Variants in DDX10 observed in about 807,000 individuals in gnomAD.
DDX10 encodes probable ATP-dependent RNA helicase DDX10.
In DDX10, 74 loss-of-function variants were observed where a neutral mutation model predicts 104.3. That is an observed-to-expected ratio of 0.71 (90% confidence interval 0.59 to 0.86). The LOEUF (loss-of-function observed/expected upper bound fraction) is 0.86. DDX10 is among the 40% of genes least tolerant of loss of function. The probability of loss-of-function intolerance (pLI) is 0.00; values close to 1 mark genes in which losing one functional copy is unlikely to be tolerated. For synonymous variants in DDX10, 351 were observed against 353.4 expected, an observed-to-expected ratio of 0.99 and a Z score of 0.08; for missense variants, 952 against 1,040.0, an observed-to-expected ratio of 0.92 and a Z score of 1.16.
intron 15 of DDX10, among the ~76,000 whole-genome samples, chr11:108,851,224 G>A (rs933127857): frequency 3.3e-5 from 5 of 152,038 alleles, no homozygotes; most frequent in Non-Finnish European, 5.9e-5. Flanking sequence ...TGCATGGGGG[G>A]TGGGGTGGAA....
intron 13 of DDX10, among the ~76,000 whole-genome samples, chr11:108,800,932 C>T (rs1185899606): frequency 6.6e-6 from 1 of 152,094 alleles, no homozygotes; most frequent in East Asian, 1.9e-4. Context: ...GATGGAAATG[C>T]ATATTGGTTG....
intron 13 of DDX10, among the ~76,000 whole-genome samples, chr11:108,731,113 C>T (rs1012589645): frequency 6.6e-6 from 1 of 151,450 alleles, no homozygotes; most frequent in South Asian, 2.1e-4. Context: ...GTGCAGTGGC[C>T]GATCTTGGCT....
chr11:108,706,237 G>A (rs1055752533), intron 9 of DDX10, among the ~76,000 whole-genome samples: 15 of 152,096 alleles, frequency 9.9e-5, no homozygotes, highest in Non-Finnish European at 2.1e-4. Flanking sequence ...CTCCCAAAGT[G>A]CTGGAATTAC....
intron 16 of DDX10, among the ~76,000 whole-genome samples, chr11:108,853,820 G>A (rs1862828149): frequency 6.6e-6 from 1 of 152,106 alleles, no homozygotes; most frequent in African/African-American, 2.4e-5. Context: ...TAAAAAAGGA[G>A]GAAGATTTTT....
chr11:108,902,201 T>C (rs887784086), intron 16 of DDX10, among the ~76,000 whole-genome samples: 1 of 152,158 alleles, frequency 6.6e-6, no homozygotes, highest in Non-Finnish European at 1.5e-5. Flanking sequence ...CTCTAACTCA[T>C]GAAATGTTTC....
intron 16 of DDX10, among the ~76,000 whole-genome samples, chr11:108,887,949 A>T (rs1337871943): frequency 1.4e-5 from 1 of 72,028 alleles, no homozygotes; most frequent in East Asian, 3.7e-4. Context: ...GAAAAGAAAT[A>T]CAGCTTTTTT....
At chr11:108,669,565 G>A (rs1242326708) in intron 1 of DDX10, among the ~76,000 whole-genome samples, 1 of 152,202 alleles carries the variant, frequency 6.6e-6, no homozygotes, top group African/African-American at 2.4e-5. Context: ...AGATGGGTTC[G>A]AGAAGAAGGT....
chr11:108,702,455 G>C (rs1039387109), intron 9 of DDX10, among the ~76,000 whole-genome samples: 1 of 152,164 alleles, frequency 6.6e-6, no homozygotes, highest in Non-Finnish European at 1.5e-5. Context: ...CACAGACCAT[G>C]GTAGGACAAT....
At chr11:108,678,551 A>G (rs2094229545) in intron 5 of DDX10, 116 bp downstream of exon 5, 1 of 1,142,944 alleles carries the variant, frequency 8.7e-7, no homozygotes, top group Non-Finnish European at 1.2e-6. Flanking sequence ...TTCAAAACAA[A>G]CTTAAAAATT....
In DDX10 at chr11:108,665,191, G is replaced by T; in HGVS notation, c.38G>T (p.Arg13Leu). 6.2e-7 allele frequency: 1 copy of T among 1,612,436 alleles called. No individual in the cohort carries two copies. Among genetic ancestry groups the T allele is most frequent in the South Asian group, 1.1e-5 (1 of 90,800 alleles). ...GCCAACTCTCCGGGTTCGGGAGCCC[G>T]ACCCGACCCGGTGCGGAGCTTCAAT... ...KTANSPGSGA[R>L]PDPVRSFNRW... The change falls in exon 1 of 18, where the codon CGA becomes CTA. Residue 13 changes from arginine (R) to leucine (L), a missense_variant. This residue lies in a region of DDX10 where 412 missense variants were observed against 479.2 expected (regional missense o/e 0.86). Coordinates refer to ENST00000322536, the MANE Select transcript of DDX10 (RefSeq NM_004398.4).
At chr11:108,930,843 C>A (rs1424842693) in intron 17 of DDX10, among the ~76,000 whole-genome samples, 2 of 152,184 alleles carry the variant, frequency 1.3e-5, no homozygotes, top group Non-Finnish European at 2.9e-5. Context: ...CATAGCCCTT[C>A]CTTATGAACA....
intron 6 of DDX10, among the ~76,000 whole-genome samples, chr11:108,682,294 G>A (rs1303432864): frequency 6.6e-6 from 1 of 151,966 alleles, no homozygotes; most frequent in Non-Finnish European, 1.5e-5. Flanking sequence ...GAGTAAAGAC[G>A]GGGTTTCACC....
At chr11:108,814,297 T>C (rs1286229044) in intron 13 of DDX10, among the ~76,000 whole-genome samples, 2 of 152,218 alleles carry the variant, frequency 1.3e-5, no homozygotes, top group Non-Finnish European at 2.9e-5. Flanking sequence ...GGGTGAATTT[T>C]TCTTCCCCTT....
At chr11:108,797,821 G>A (rs113161346) in intron 13 of DDX10, among the ~76,000 whole-genome samples, 2 of 152,284 alleles carry the variant, frequency 1.3e-5, no homozygotes, top group East Asian at 3.9e-4. Context: ...GATTTCTGAC[G>A]AATGGCCTGG....
chr11:108,668,769 G>T (rs906140917), intron 1 of DDX10, among the ~76,000 whole-genome samples: 8 of 152,094 alleles, frequency 5.3e-5, no homozygotes, highest in Non-Finnish European at 8.8e-5. Flanking sequence ...GCATGTAGGG[G>T]TTGATACAGT....
chr11:108,802,595 T>C (rs1024546815), intron 13 of DDX10, among the ~76,000 whole-genome samples: 3 of 152,236 alleles, frequency 2.0e-5, no homozygotes, highest in African/African-American at 7.2e-5. Context: ...GTTGCTGTTC[T>C]TTTGTAATTT....
At chr11:108,670,733 CTT>C (rs955580479) in intron 1 of DDX10, among the ~76,000 whole-genome samples, 3 of 152,026 alleles carry the variant, frequency 2.0e-5, no homozygotes, top group African/African-American at 4.8e-5. Context: ...CTGAATGACT[CTT>C]TGCATCTGGG....
At chr11:108,836,743 C>T (rs1171078994) in intron 13 of DDX10, among the ~76,000 whole-genome samples, 2 of 152,162 alleles carry the variant, frequency 1.3e-5, no homozygotes, top group Non-Finnish European at 2.9e-5. Flanking sequence ...TCTGCCTCTG[C>T]CTGCCAAAGT....
intron 16 of DDX10, among the ~76,000 whole-genome samples, chr11:108,859,681 TA>T (rs1163989271): frequency 6.6e-6 from 1 of 152,194 alleles, no homozygotes; most frequent in Admixed American, 6.5e-5. Flanking sequence ...TAGGGATTTA[TA>T]GGCACATCTA....
Sources: gnomAD v4.1 joint callset for allele counts (sites outside exome capture counted in the v4.1 genomes callset) on GRCh38, gnomAD v4.1.1 for gene constraint, gnomAD v4.1.1 regional missense constraint, MANE v1.5 for transcripts, NCBI Gene and HGNC (gene_info 2026-07-23, HGNC 2026-07-21) for gene names.